Variants in ZNF705A observed in about 807,000 individuals in gnomAD.
ZNF705A encodes the protein zinc finger protein 705A.
A neutral mutation model predicts 16.6 loss-of-function variants in ZNF705A; 8 were observed. The observed-to-expected ratio is 0.48, with a 90% CI of 0.28 to 0.87. The LOEUF (loss-of-function observed/expected upper bound fraction) is 0.87, where lower values mean the gene tolerates loss of function less well. Ranked by LOEUF, ZNF705A falls within the 40% of genes least tolerant of loss-of-function variation. The pLI, the probability that ZNF705A is intolerant of heterozygous loss-of-function variation, is 0.10. For synonymous variants in ZNF705A, 73 were observed against 117.3 expected, an observed-to-expected ratio of 0.62 and a Z score of 2.44; for missense variants, 233 against 359.9, an observed-to-expected ratio of 0.65 and a Z score of 2.85.
At chr12:8,161,032 T>C (rs769560789) in intron 1 of ZNF705A, among the ~76,000 whole-genome samples, 4 of 152,224 alleles carry the variant, frequency 2.6e-5, no homozygotes, top group Non-Finnish European at 4.4e-5. Context: ...GTTTTAATCA[T>C]AAATCGATGC....
chr12:8,173,273 C>T (rs965227483), intron 1 of ZNF705A, among the ~76,000 whole-genome samples: 3 of 152,100 alleles, frequency 2.0e-5, no homozygotes. Context: ...TTCATTTTAC[C>T]TTTTGGTAAT....
At chr12:8,177,680 C>T (rs1948497626) in exon 5 of ZNF705A, 1 of 1,544,968 alleles carries the variant, frequency 6.5e-7, no homozygotes, top group East Asian at 2.3e-5. Flanking sequence ...TCAGAAAATT[C>T]ACGCTGGAGA....
intron 1 of ZNF705A, among the ~76,000 whole-genome samples, chr12:8,166,689 A>G (rs1192192187): frequency 2.6e-5 from 4 of 152,232 alleles, no homozygotes; most frequent in African/African-American, 4.8e-5. Flanking sequence ...TTAATACCCC[A>G]TGGAAATTGC....
chr12:8,164,307 G>C (rs1017285420), intron 1 of ZNF705A, among the ~76,000 whole-genome samples: 1 of 152,136 alleles, frequency 6.6e-6, no homozygotes, highest in Non-Finnish European at 1.5e-5. Flanking sequence ...GTCTATTTTA[G>C]ATTTCAAATA....
exon 5 of ZNF705A, chr12:8,178,165 C>T (rs1948501633): frequency 6.3e-6 from 1 of 158,086 alleles, no homozygotes; most frequent in Non-Finnish European, 1.4e-5. Context: ...AACATTCAGC[C>T]AAGCACCAGG....
At chr12:8,164,246 A>G (rs1399997234) in intron 1 of ZNF705A, among the ~76,000 whole-genome samples, 2 of 152,156 alleles carry the variant, frequency 1.3e-5, no homozygotes, top group Admixed American at 1.3e-4. Flanking sequence ...CCATTTCCCC[A>G]GCACCAGGGC....
At chr12:8,176,924 G>T (rs1345468685) in intron 4 of ZNF705A, 75 bp from the exon 6 acceptor site, 1 of 1,562,186 alleles carries the variant, frequency 6.4e-7, no homozygotes, top group Non-Finnish European at 8.8e-7. Context: ...TTTGGTCTAG[G>T]ATTCAAAGGT....
At chr12:8,163,290 G>A (rs1333938677) in intron 1 of ZNF705A, among the ~76,000 whole-genome samples, 4 of 152,098 alleles carry the variant, frequency 2.6e-5, no homozygotes, top group African/African-American at 7.2e-5. Flanking sequence ...CAATACAGAC[G>A]CTTAGTTCCA....
Position 8,176,852 on chromosome 12 carries a change from A to T in ZNF705A, c.319-147A>T, listed in dbSNP as rs1948487387. ...GGTTAAATGAGTTTGGGGTCCCAAA[A>T]TTTAATTTCCTTTCACACAAGAAAC... is the stretch of plus-strand genomic sequence containing the variant. On this transcript the variant is annotated intron_variant, in intron 4 of 4. Coordinates refer to ENST00000359286, the Ensembl canonical transcript of ZNF705A. 4 of 1,319,724 alleles carry T rather than the reference A, an allele frequency of 3.0e-6. No homozygotes were observed. The South Asian group carries it at 4.5e-5, about 15-fold the overall frequency. The allele number at this position is 1,319,724 out of a possible 1,614,324, so 81.8% of individuals were successfully genotyped here. A position where few individuals can be genotyped will look rare whatever the true frequency, so the allele number is the denominator to read the frequency against.
At chr12:8,176,354 G>T (rs180842410) in intron 4 of ZNF705A, among the ~76,000 whole-genome samples, 1 of 152,152 alleles carries the variant, frequency 6.6e-6, no homozygotes, top group African/African-American at 2.4e-5. Context: ...GCACCCAGGG[G>T]ACAGGTGTAT....
intron 1 of ZNF705A, 33 bp downstream of exon 2, chr12:8,172,670 A>G (rs968178947): frequency 9.4e-6 from 15 of 1,595,958 alleles, no homozygotes; most frequent in Non-Finnish European, 1.3e-5. Flanking sequence ...TACTGAAATT[A>G]TACCCATATT....
chr12:8,174,662 T>A (rs1948471244), intron 2 of ZNF705A, among the ~76,000 whole-genome samples: 2 of 152,228 alleles, frequency 1.3e-5, no homozygotes, highest in African/African-American at 4.8e-5. Flanking sequence ...TCAATTAGAA[T>A]GTAGTCTTGA....
At chr12:8,177,046 A>G (rs1266700879) in exon 5 of ZNF705A, 2 of 1,610,988 alleles carry the variant, frequency 1.2e-6, no homozygotes, top group Admixed American at 3.3e-5. Context: ...ATGATTCGGG[A>G]GAAGATTGCA....
At chr12:8,177,443 T>G (rs1468995747) in exon 5 of ZNF705A, 1 of 1,612,114 alleles carries the variant, frequency 6.2e-7, no homozygotes, top group South Asian at 1.1e-5. Flanking sequence ...TGGAAAAAAG[T>G]GTTATGAATG....
intron 3 of ZNF705A, 42 bp from the exon 5 acceptor site, chr12:8,175,817 TA>T (rs1217294070): frequency 6.2e-7 from 1 of 1,607,372 alleles, no homozygotes; most frequent in Admixed American, 1.7e-5. Context: ...ACAATTTTAT[TA>T]CCATAATACC....
exon 5 of ZNF705A, chr12:8,179,650 G>T (rs1271837603): frequency 6.6e-6 from 1 of 152,178 alleles, no homozygotes; most frequent in African/African-American, 2.4e-5. Context: ...ATTTTACTCT[G>T]CAGCCAGGGT....
chr12:8,165,805 G>A (rs2120707507), intron 1 of ZNF705A, among the ~76,000 whole-genome samples: 1 of 152,042 alleles, frequency 6.6e-6, no homozygotes, highest in African/African-American at 2.4e-5. Flanking sequence ...CATTATTTTA[G>A]AATAATGGCC....
At chr12:8,163,448 A>T (rs908948946) in intron 1 of ZNF705A, among the ~76,000 whole-genome samples, 14 of 152,192 alleles carry the variant, frequency 9.2e-5, no homozygotes, top group Admixed American at 8.5e-4. Flanking sequence ...TAGAGTAACC[A>T]TACACAACTA....
chr12:8,160,719 C>G (rs1228482217), intron 1 of ZNF705A, among the ~76,000 whole-genome samples: 1 of 152,048 alleles, frequency 6.6e-6, no homozygotes, highest in African/African-American at 2.4e-5. Flanking sequence ...GTTCTAGGAG[C>G]TTTCTGGAGG....
Sources: gnomAD v4.1 joint callset for allele counts (sites outside exome capture counted in the v4.1 genomes callset) on GRCh38, gnomAD v4.1.1 for gene constraint, MANE v1.5 for transcripts, NCBI Gene and HGNC (gene_info 2026-07-23, HGNC 2026-07-21) for gene names.